The following EIF3D variants were observed in gnomAD, a reference collection of about 807,000 sequenced individuals.
EIF3D encodes the protein eIF3 p66.
In EIF3D, 10 loss-of-function variants were observed where a neutral mutation model predicts 75.4. The ratio of observed to expected loss-of-function variants is 0.13; its 90% CI spans 0.08 to 0.22. EIF3D has a LOEUF of 0.22. EIF3D is among the 10% of genes least tolerant of loss of function. EIF3D has a pLI of 1.00. For synonymous variants in EIF3D, 246 were observed against 248.3 expected (o/e 0.99, Z 0.09); for missense variants, 394 against 708.0 (o/e 0.56, Z 5.03).
intron 13 of EIF3D, among the ~76,000 whole-genome samples, 159 bp downstream of exon 13, chr22:36,512,301 T>C (rs1934352618): frequency 6.6e-6 from 1 of 152,220 alleles, no homozygotes; most frequent in African/African-American, 2.4e-5. Context: ...TGCCTGCTGT[T>C]TGGCATTTGT....
At chr22:36,528,596 G>GT (rs1555889548) in intron 1 of EIF3D, 1 of 147,344 alleles carries the variant, frequency 6.8e-6, no homozygotes, top group Admixed American at 6.6e-5. Context: ...CGCTGAACAG[G>GT]GGGTGGGGTA....
In EIF3D at chr22:36,511,510, TTCC is replaced by T; in HGVS notation, c.1623_1625del (p.Glu547del). ...AAGTGGGCTGCTACACACCTTCTTC[TTCC>T]TCTTCTTCCTCCTCCTCTTCCTCCT... On this transcript the variant is annotated inframe_deletion, in exon 14 of 15. Transcript: ENST00000216190. 6.2e-7 allele frequency: 1 copy of T among 1,613,916 alleles called. No homozygotes were observed. The highest frequency in any genetic ancestry group is 1.1e-5 in the South Asian group (1 of 91,050).
rs1251385471 is a variant in EIF3D, at chr22:36,527,229, CA to C, written c.-10-1099del. On this transcript the variant is annotated intron_variant, in intron 1 of 14. Transcript: ENST00000216190. The stretch of plus-strand genomic sequence containing the variant: ...TCTTACTGTTTACCACTCATTCATT[CA>C]TACAGTCCTGCCAACAATCCTGTGA... 1.3e-3 allele frequency among the ~76,000 whole-genome samples: 202 copies of C among 152,340 alleles called. 1 individual carries two copies. The highest frequency in any genetic ancestry group is 4.7e-3 in the African/African-American group (195 of 41,582).
rs890013284 is a variant in EIF3D, at chr22:36,523,828, G to A, written c.392+67C>T. 3 of 1,438,320 alleles carry A rather than the reference G, an allele frequency of 2.1e-6. No individual in the cohort carries two copies. The African/African-American group carries it at 4.2e-5, about 20-fold the overall frequency. 89.1% of individuals were successfully genotyped at this position (1,438,320 alleles called of 1,614,324 possible). A position where few individuals can be genotyped will look rare whatever the true frequency, so the allele number is the denominator to read the frequency against. On this transcript the variant is annotated intron_variant, in intron 5 of 14. Coordinates refer to ENST00000216190, the MANE Select transcript of EIF3D (RefSeq NM_003753.4). ...GGAATACAACCATCCTCCTGCTTTG[G>A]TCCTGTGGTTTCCAAATACGGCCAG...
At chr22:36,515,658 G>A (rs2145870655) in intron 12 of EIF3D, among the ~76,000 whole-genome samples, 1 of 152,318 alleles carries the variant, frequency 6.6e-6, no homozygotes, top group South Asian at 2.1e-4. Context: ...GTATGGCGAA[G>A]AGAGCTGTCC....
chr22:36,526,003 C>G lies in EIF3D; in HGVS notation c.119G>C (p.Gly40Ala). The G allele has an allele frequency of 6.2e-7, 1 of 1,610,804 alleles. No individual in the cohort carries two copies. The highest frequency in any genetic ancestry group is 1.1e-5 in the South Asian group (1 of 90,564). Reference protein sequence around the residue: ...YQPFSKGDRLGKVADWTGATY... With the variant: ...YQPFSKGDRLAKVADWTGATY... ...CTCCTGCTGACAGGCATGTACCTTT[C>G]CTAGCCGATCTCCTTTGCTGAACGG... is the stretch of plus-strand genomic sequence containing the variant. The change falls in exon 2 of 15, where the codon GGA becomes GCA. Residue 40 changes from glycine to alanine, a missense_variant. Gly to Ala is a moderately conservative substitution (Grantham distance 60, BLOSUM62 0). Transcript: ENST00000216190.
chr22:36,511,283 T>G, intron 14 of EIF3D: 2 of 955,046 alleles, frequency 2.1e-6, no homozygotes, highest in South Asian at 3.6e-5. Context: ...TCTGCCACAG[T>G]CCAGCCGCTT....
At position 36,526,122 on chromosome 22, in the gene EIF3D, C is replaced by T. The variant is rs763071721; in HGVS notation, c.-1G>A. The T allele has an allele frequency of 1.6e-5, 25 of 1,601,016 alleles. No homozygotes were observed. In the East Asian group the frequency reaches 5.0e-4, roughly 32 times the overall value. Reference sequence around the variant, plus strand: ...TCACGGGTGTCATGAACTTTGCCATCTTCCAAAATCTGAAAAATATAAATC... The same window carrying T: ...TCACGGGTGTCATGAACTTTGCCATTTTCCAAAATCTGAAAAATATAAATC... On this transcript the variant is annotated 5_prime_UTR_variant, in exon 2 of 15. Transcript: ENST00000216190.
intron 9 of EIF3D, 110 bp from the exon 10 acceptor site, chr22:36,517,541 G>A (rs1396778362): frequency 1.5e-6 from 2 of 1,317,494 alleles, no homozygotes; most frequent in East Asian, 5.5e-5. Flanking sequence ...TTCCTTCAAA[G>A]AACTGCCCTC....
chr22:36,524,535 T>C (rs1020407303), intron 4 of EIF3D, 61 bp downstream of exon 4: 2 of 1,605,912 alleles, frequency 1.2e-6, no homozygotes, highest in Non-Finnish European at 1.7e-6. Flanking sequence ...TAGCATTTTT[T>C]AGCAGGTGAT....
intron 9 of EIF3D, 112 bp downstream of exon 9, chr22:36,518,651 A>G: frequency 3.7e-6 from 5 of 1,367,874 alleles, no homozygotes; most frequent in South Asian, 1.3e-5. Flanking sequence ...GCTGCTGTCA[A>G]TTCCCTTGGG....
intron 10 of EIF3D, 63 bp downstream of exon 10, chr22:36,517,238 T>A: frequency 6.2e-7 from 1 of 1,609,488 alleles, no homozygotes; most frequent in South Asian, 1.1e-5. Context: ...ACAAAGCAGA[T>A]GCTCCACAAA....
chr22:36,525,556 T>C (rs1214422227), intron 3 of EIF3D, 108 bp downstream of exon 3: 2 of 1,223,760 alleles, frequency 1.6e-6, no homozygotes, highest in African/African-American at 3.1e-5. Context: ...TATGAATTAT[T>C]GTTGGCAGTT....
At position 36,516,562 on chromosome 22, in the gene EIF3D, A is replaced by C; in HGVS notation, c.1122T>G (p.Arg374=). ...CAGTCATGACGCCATCGTGCTCACAACGGACAATAAGGTCAATATCATCTC... is the reference window on the plus strand; with the variant it reads ...CAGTCATGACGCCATCGTGCTCACACCGGACAATAAGGTCAATATCATCTC... The part of the protein sequence containing the change: ...KLGDDIDLIV[R]CEHDGVMTGA... Residue 374 remains arginine, a synonymous_variant, in exon 12 of 15, where the codon CGT becomes CGG. Transcript: ENST00000216190. The C allele has an allele frequency of 6.2e-7, 1 of 1,614,200 alleles. No homozygotes were observed. Among genetic ancestry groups the C allele is most frequent in the Admixed American group, 1.7e-5 (1 of 60,030 alleles).
rs61160068 is a variant in EIF3D, at chr22:36,518,920, G to A, written c.712-10C>T. On this transcript the variant is annotated splice_polypyrimidine_tract_variant and intron_variant, in intron 8 of 14. Transcript: ENST00000216190. ...CCTGAGTTTTTGCCAGCTGCAAAGAGGATCAAAGAGAGAAGATGGAAAGAC... is the reference window on the plus strand; with the variant it reads ...CCTGAGTTTTTGCCAGCTGCAAAGAAGATCAAAGAGAGAAGATGGAAAGAC... 4.6e-3 allele frequency: 7,415 copies of A among 1,613,416 alleles called. 312 individuals carry two copies. In the African/African-American group the frequency reaches 0.089, roughly 19 times the overall value.
At chr22:36,520,435 C>T (rs1400211585) in intron 7 of EIF3D, 141 bp downstream of exon 7, 1 of 541,314 alleles carries the variant, frequency 1.8e-6, no homozygotes, top group Non-Finnish European at 3.1e-6. Context: ...TTTTCAAATA[C>T]CTCTGTTAAC....
chr22:36,517,140 G>A (rs1214819786), intron 10 of EIF3D, among the ~76,000 whole-genome samples, 161 bp downstream of exon 10: 4 of 152,186 alleles, frequency 2.6e-5, no homozygotes, highest in African/African-American at 9.6e-5. Context: ...AAGTCAGAGA[G>A]CCTAACATCC....
At chr22:36,523,343 A>G (rs1934545220) in intron 5 of EIF3D, 62 bp from the exon 6 acceptor site, 1 of 1,275,316 alleles carries the variant, frequency 7.8e-7, no homozygotes, top group Non-Finnish European at 1.1e-6. Flanking sequence ...TTCAAAAGGC[A>G]CACGCTGCCA....
chr22:36,513,478 T>G (rs759442981), intron 12 of EIF3D, among the ~76,000 whole-genome samples: 3 of 152,118 alleles, frequency 2.0e-5, no homozygotes, highest in Non-Finnish European at 4.4e-5. Flanking sequence ...AATTTTTGTA[T>G]TTTTGGTAGA....
Sources: gnomAD v4.1 joint callset for allele counts (sites outside exome capture counted in the v4.1 genomes callset) on GRCh38, gnomAD v4.1.1 for gene constraint, MANE v1.5 for transcripts, NCBI Gene and HGNC (gene_info 2026-07-23, HGNC 2026-07-21) for gene names.